The following PCM1 variants were observed in gnomAD, a reference collection of about 807,000 sequenced individuals.
PCM1 encodes the protein pericentriolar material 1.
Under a neutral mutation model 241.9 loss-of-function variants are expected in PCM1, and 157 were observed. That is an observed-to-expected ratio of 0.65 (90% CI 0.57 to 0.74). The LOEUF (loss-of-function observed/expected upper bound fraction) is 0.74. Ranked by LOEUF, PCM1 falls within the 30% of genes least tolerant of loss-of-function variation. PCM1 has a pLI of 0.00. For synonymous variants in PCM1, 1,085 were observed against 784.9 expected (o/e 1.38, Z -6.39); for missense variants, 3,478 against 2,360.1 (o/e 1.47, Z -9.81).
intron 6 of PCM1, among the ~76,000 whole-genome samples, chr8:17,942,058 A>C (rs888303681): frequency 1.3e-5 from 2 of 151,962 alleles, no homozygotes; most frequent in African/African-American, 4.8e-5. Flanking sequence ...GCTGTTTTTA[A>C]TTTATATTAA....
Position 18,029,204 on chromosome 8 carries a change from G to C in PCM1, c.*1542G>C, listed in dbSNP as rs2094398812. 1 of 180,832 alleles carries C rather than the reference G, an allele frequency of 5.5e-6. No homozygotes were observed. The allele number at this position is 180,832 out of a possible 1,614,324, so 11.2% of individuals were successfully genotyped here. On this transcript the variant is annotated 3_prime_UTR_variant, in exon 39 of 39. Transcript: ENST00000325083. ...AAAAGTTAACTTGCTGTATACCTCA[G>C]TGTAATGTCCATTCAAGGAGTATTA...
chr8:18,023,658 T>C (rs774807844), intron 36 of PCM1, among the ~76,000 whole-genome samples: 1 of 152,256 alleles, frequency 6.6e-6, no homozygotes, highest in Non-Finnish European at 1.5e-5. Flanking sequence ...TCCATTGATT[T>C]ATTCAGTTGG....
At position 18,011,143 on chromosome 8, in the gene PCM1, TTAGA is replaced by T. The variant is rs2092438276; in HGVS notation, c.5221-91_5221-88del. The T allele has an allele frequency of 3.9e-6, 3 of 774,914 alleles. No homozygotes were observed. The African/African-American group carries it at 5.5e-5, about 14-fold the overall frequency. The allele number at this position is 774,914 out of a possible 1,614,324, so 48.0% of individuals were successfully genotyped here. A position where few individuals can be genotyped will look rare whatever the true frequency, so the allele number is the denominator to read the frequency against. Reference sequence around the variant, plus strand: ...CAAAAATGGTTCTTTGTATTTTTTATTAGATAATGATCATTATTAATACGATAGA... The same window carrying T: ...CAAAAATGGTTCTTTGTATTTTTTATTAATGATCATTATTAATACGATAGA... On this transcript the variant is annotated intron_variant, in intron 32 of 38. Transcript: ENST00000325083.
In PCM1 at chr8:17,953,011, T is replaced by G. The variant is rs756629938; in HGVS notation, c.1113T>G (p.Leu371=). 19 of 1,607,660 alleles carry G rather than the reference T, an allele frequency of 1.2e-5. No individual in the cohort carries two copies. Among genetic ancestry groups the G allele is most frequent in the Non-Finnish European group, 1.6e-5 (19 of 1,176,744 alleles). The change falls in exon 9 of 39, where the codon CTT becomes CTG. Residue 371 remains leucine, a synonymous_variant. Coordinates refer to ENST00000325083, the MANE Select transcript of PCM1 (RefSeq NM_006197.4). ...VPDNRRQAES[L]SLTREVSQSR... ...ACAATAGAAGACAGGCAGAAAGTCT[T>G]TCATTAACTAGGGAGGTTTCCCAGA... is the stretch of plus-strand genomic sequence containing the variant.
intron 27 of PCM1, among the ~76,000 whole-genome samples, chr8:17,990,461 GGTT>G (rs1024286321): frequency 6.7e-6 from 1 of 149,222 alleles, no homozygotes; most frequent in Admixed American, 6.7e-5. Context: ...AAATGGTTTT[GGTT>G]GTTTTTTTTT....
intron 29 of PCM1, 77 bp downstream of exon 29, chr8:17,993,696 T>C: frequency 3.1e-6 from 4 of 1,284,872 alleles, no homozygotes; most frequent in Non-Finnish European, 4.3e-6. Flanking sequence ...CTTATTGTGA[T>C]AAAGTTCAAC....
At position 18,025,652 on chromosome 8, in the gene PCM1, G is replaced by A. The variant is rs1353646752; in HGVS notation, c.6043G>A (p.Glu2015Lys). 2 of 1,519,730 alleles carry A rather than the reference G, an allele frequency of 1.3e-6. No homozygotes were observed. Among genetic ancestry groups the A allele is most frequent in the African/African-American group, 2.7e-5 (2 of 72,728 alleles). The allele number at this position is 1,519,730 out of a possible 1,614,324, so 94.1% of individuals were successfully genotyped here. ...ELAGNSETLK[E>K]PETVGAQSI Reference sequence around the variant, plus strand: ...AGCTGGAAATTCTGAGACACTAAAAGAACCTGGTAAGAGTTATCAATTTAA... The same window carrying A: ...AGCTGGAAATTCTGAGACACTAAAAAAACCTGGTAAGAGTTATCAATTTAA... The change falls in exon 38 of 39, where the codon GAA (glutamate) becomes AAA (lysine). Residue 2015 changes from glutamate to lysine, a missense_variant. Transcript: ENST00000325083.
intron 23 of PCM1, among the ~76,000 whole-genome samples, chr8:17,974,857 G>GCACACACACACACACA (rs60355433): frequency 7.5e-5 from 10 of 133,274 alleles, no homozygotes; most frequent in African/African-American, 2.4e-4. Context: ...CCACTTTAAG[G>GCACACACACACACACA]CACACACACA....
intron 6 of PCM1, among the ~76,000 whole-genome samples, chr8:17,944,331 G>T (rs1384382333): frequency 6.6e-6 from 1 of 152,114 alleles, no homozygotes; most frequent in Admixed American, 6.5e-5. Flanking sequence ...CACTGGATAA[G>T]TCACAACTTT....
At chr8:17,991,745 T>C (rs1340015346) in intron 28 of PCM1, 45 bp downstream of exon 28, 1 of 1,400,266 alleles carries the variant, frequency 7.1e-7, no homozygotes, top group Non-Finnish European at 9.8e-7. Flanking sequence ...ACAGGTGGTG[T>C]TTGGTTACAT....
chr8:17,959,669 T>G (rs920945513), intron 13 of PCM1, among the ~76,000 whole-genome samples: 12 of 152,200 alleles, frequency 7.9e-5, no homozygotes, highest in Admixed American at 2.6e-4. Context: ...TCTATATGTA[T>G]TTTTTATATT....
intron 29 of PCM1, among the ~76,000 whole-genome samples, chr8:17,995,942 G>A (rs2086549815): frequency 6.6e-6 from 1 of 152,034 alleles, no homozygotes; most frequent in South Asian, 2.1e-4. Flanking sequence ...GAGTCTTTAG[G>A]CTTTTCCAAG....
intron 6 of PCM1, among the ~76,000 whole-genome samples, chr8:17,943,321 T>C (rs1157991644): frequency 1.3e-5 from 2 of 152,076 alleles, no homozygotes; most frequent in Non-Finnish European, 2.9e-5. Context: ...AATCTTATTA[T>C]ATCAAATATC....
chr8:17,952,014 G>T (rs367589096), intron 8 of PCM1, among the ~76,000 whole-genome samples: 1 of 152,096 alleles, frequency 6.6e-6, no homozygotes, highest in East Asian at 1.9e-4. Context: ...CTTGAGGTCA[G>T]GTGTTTGAGA....
intron 21 of PCM1, among the ~76,000 whole-genome samples, chr8:17,968,732 G>A (rs1390294564): frequency 6.2e-5 from 6 of 97,068 alleles, no homozygotes; most frequent in East Asian, 2.2e-4. Context: ...ATGTATATAT[G>A]TGTGTGTGTG....
intron 36 of PCM1, among the ~76,000 whole-genome samples, chr8:18,019,393 A>AG (rs2093580473): frequency 6.6e-6 from 1 of 152,140 alleles, no homozygotes; most frequent in Non-Finnish European, 1.5e-5. Flanking sequence ...GACTGGGGTA[A>AG]GGGGGATGGT....
intron 1 of PCM1, 140 bp from the exon 2 acceptor site, chr8:17,924,573 T>G (rs2056137686): frequency 6.6e-6 from 1 of 152,256 alleles, no homozygotes; most frequent in Admixed American, 6.5e-5. Flanking sequence ...AACTTAAATT[T>G]AAAATATGAA....
At chr8:17,997,436 A>G (rs559855601) in intron 29 of PCM1, among the ~76,000 whole-genome samples, 49 of 151,972 alleles carry the variant, frequency 3.2e-4, no homozygotes, top group Non-Finnish European at 5.9e-4. Context: ...TAAGCTTACT[A>G]CCTCTGTCTC....
At position 17,960,204 on chromosome 8, in the gene PCM1, A is replaced by C. The variant is rs149575818; in HGVS notation, c.2192+39A>C. 3.5e-4 allele frequency: 545 copies of C among 1,547,082 alleles called. 2 individuals carry two copies. The African/African-American group carries it at 5.5e-3, about 15-fold the overall frequency. Reference sequence around the variant, plus strand: ...TTGGCCTTCATTTAATATAATAAAAATTTAGTGCCTGTTTTGGAGAAGGTG... The same window carrying C: ...TTGGCCTTCATTTAATATAATAAAACTTTAGTGCCTGTTTTGGAGAAGGTG... On this transcript the variant is annotated intron_variant, in intron 14 of 38. Transcript: ENST00000325083.
Sources: gnomAD v4.1 joint callset for allele counts (sites outside exome capture counted in the v4.1 genomes callset) on GRCh38, gnomAD v4.1.1 for gene constraint, MANE v1.5 for transcripts, NCBI Gene and HGNC (gene_info 2026-07-23, HGNC 2026-07-21) for gene names.